DOCK4: variants seen among roughly 807,000 people sequenced by gnomAD.
DOCK4 encodes the protein dedicator of cytokinesis protein 4.
Under a neutral mutation model 268.1 loss-of-function variants are expected in DOCK4, and 97 were observed. The ratio of observed to expected loss-of-function variants is 0.36; its 90% CI spans 0.31 to 0.43. The LOEUF (loss-of-function observed/expected upper bound fraction) is 0.43. Ranked by LOEUF, DOCK4 falls within the 20% of genes least tolerant of loss-of-function variation. The probability of loss-of-function intolerance (pLI) is 1.00; values close to 1 mark genes in which losing one functional copy is unlikely to be tolerated. For missense variants in DOCK4, 2,145 were observed against 2,455.7 expected, an observed-to-expected ratio of 0.87 and a Z score of 2.67; for synonymous variants, 954 against 887.2, an observed-to-expected ratio of 1.08 and a Z score of -1.34.
intron 1 of DOCK4, among the ~76,000 whole-genome samples, chr7:112,112,134 A>G (rs563524011): frequency 6.5e-4 from 99 of 152,198 alleles, no homozygotes; most frequent in African/African-American, 2.1e-3. Flanking sequence ...GTGACCTCCA[A>G]TGTTGGAGGT....
At chr7:111,925,140 T>C (rs1793494956) in intron 12 of DOCK4, among the ~76,000 whole-genome samples, 1 of 152,214 alleles carries the variant, frequency 6.6e-6, no homozygotes, top group African/African-American at 2.4e-5. Context: ...CCTTCCTATG[T>C]GCTTGATTTA....
intron 10 of DOCK4, among the ~76,000 whole-genome samples, chr7:111,941,516 T>C (rs1259621287): frequency 6.6e-6 from 1 of 152,206 alleles, no homozygotes; most frequent in South Asian, 2.1e-4. Flanking sequence ...TGGCAGTCTT[T>C]ATCAATATCG....
intron 17 of DOCK4, among the ~76,000 whole-genome samples, chr7:111,873,122 A>G (rs1806559403): frequency 1.3e-5 from 2 of 152,148 alleles, no homozygotes; most frequent in South Asian, 4.1e-4. Context: ...GATTTCTTAG[A>G]TCATCCAGGG....
intron 26 of DOCK4, among the ~76,000 whole-genome samples, chr7:111,833,036 T>C (rs1802963503): frequency 1.3e-5 from 2 of 152,240 alleles, no homozygotes; most frequent in South Asian, 4.1e-4. Flanking sequence ...CCAGGCTCCA[T>C]AAAAATATGT....
intron 17 of DOCK4, among the ~76,000 whole-genome samples, chr7:111,874,733 C>T (rs766555693): frequency 2.6e-5 from 4 of 152,152 alleles, no homozygotes; most frequent in Non-Finnish European, 5.9e-5. Flanking sequence ...AGGAGGATGC[C>T]ATGACCCCTA....
intron 8 of DOCK4, among the ~76,000 whole-genome samples, chr7:111,959,447 T>C (rs1796693571): frequency 6.6e-6 from 1 of 152,208 alleles, no homozygotes; most frequent in Non-Finnish European, 1.5e-5. Flanking sequence ...TCCTAATTTA[T>C]ATAACAATAT....
intron 8 of DOCK4, among the ~76,000 whole-genome samples, chr7:111,959,574 T>C (rs551342308): frequency 6.6e-6 from 1 of 152,362 alleles, no homozygotes; most frequent in African/African-American, 2.4e-5. Context: ...TGTTATGCAC[T>C]AGCATACATA....
Position 111,739,227 on chromosome 7 carries a change from A to G in DOCK4, c.5139T>C (p.Ser1713=). 1 of 1,613,958 alleles carries G rather than the reference A, an allele frequency of 6.2e-7. No individual in the cohort carries two copies. The highest frequency in any genetic ancestry group is 8.5e-7 in the Non-Finnish European group (1 of 1,179,834). ...TTTCTCGGGAATGTTTGTGTTTGTC[A>G]GACAACAAAGGAGAAGCTGGGAAGA... ...PSSARASPLL[S]DKHKHSRENS... is the part of the protein sequence containing the mutation. Residue 1713 remains serine, a synonymous_variant, in exon 49 of 53, where the codon TCT becomes TCC. Transcript: ENST00000428084.
chr7:111,778,748 C>G (rs1798608780), intron 35 of DOCK4, among the ~76,000 whole-genome samples: 1 of 152,114 alleles, frequency 6.6e-6, no homozygotes, highest in South Asian at 2.1e-4. Context: ...AATTTCAAAG[C>G]TATTTTGCTC....
intron 1 of DOCK4, among the ~76,000 whole-genome samples, chr7:112,148,938 T>C (rs1338202198): frequency 6.6e-6 from 1 of 152,184 alleles, no homozygotes; most frequent in African/African-American, 2.4e-5. Context: ...AATGCGCCAA[T>C]AGCCCTGAAA....
intron 1 of DOCK4, among the ~76,000 whole-genome samples, chr7:112,163,331 T>C (rs1192774591): frequency 6.6e-6 from 1 of 151,586 alleles, no homozygotes; most frequent in Non-Finnish European, 1.5e-5. Context: ...CTCTCATCAA[T>C]GCCCTGGCCA....
intron 35 of DOCK4, among the ~76,000 whole-genome samples, chr7:111,778,784 C>CG (rs1563491478): frequency 6.6e-6 from 1 of 152,060 alleles, no homozygotes; most frequent in Non-Finnish European, 1.5e-5. Context: ...CAGCTGGGCA[C>CG]GGTGGCTCAT....
chr7:111,930,235 T>TA (rs1207897795), intron 12 of DOCK4, among the ~76,000 whole-genome samples: 4 of 152,222 alleles, frequency 2.6e-5, no homozygotes, highest in Non-Finnish European at 5.9e-5. Context: ...TAAAACATCT[T>TA]AAAAAGTTAA....
In DOCK4 at chr7:111,739,253, G is replaced by C. The variant is rs1795723927; in HGVS notation, c.5123-10C>G. On this transcript the variant is annotated splice_polypyrimidine_tract_variant and intron_variant, in intron 48 of 52. Coordinates refer to ENST00000428084, the MANE Select transcript of DOCK4 (RefSeq NM_001363540.2). The stretch of plus-strand genomic sequence containing the variant: ...GACAACAAAGGAGAAGCTGGGAAGA[G>C]AAGGAGAGAGAGGATCATCAGCATG... 4.3e-6 allele frequency: 7 copies of C among 1,610,554 alleles called. No homozygotes were observed. Among genetic ancestry groups the C allele is most frequent in the Non-Finnish European group, 5.1e-6 (6 of 1,176,822 alleles).
intron 1 of DOCK4, among the ~76,000 whole-genome samples, chr7:112,050,303 C>T (rs1314601548): frequency 2.0e-5 from 3 of 152,078 alleles, no homozygotes; most frequent in Admixed American, 1.3e-4. Flanking sequence ...AAACGTTTCC[C>T]TGGACTATGG....
At chr7:111,957,324 G>A (rs535954767) in intron 8 of DOCK4, among the ~76,000 whole-genome samples, 2 of 152,242 alleles carry the variant, frequency 1.3e-5, no homozygotes, top group South Asian at 4.1e-4. Flanking sequence ...AATAAAAATT[G>A]CATATTGGGC....
At position 111,925,684 on chromosome 7, in the gene DOCK4, T is replaced by C. The variant is rs562687853; in HGVS notation, c.1067-9780A>G. 6.6e-5 allele frequency among the ~76,000 whole-genome samples: 10 copies of C among 152,324 alleles called. 2 individuals carry two copies. The highest frequency in any genetic ancestry group is 2.4e-4 in the African/African-American group (10 of 41,582). On this transcript the variant is annotated intron_variant, in intron 12 of 52. Coordinates refer to ENST00000428084, the MANE Select transcript of DOCK4 (RefSeq NM_001363540.2). ...CCCAAATTACAGCTGTCCTTTAACATTGTCATCTTGCAGAGCTAGATACTT... is the reference window on the plus strand; with the variant it reads ...CCCAAATTACAGCTGTCCTTTAACACTGTCATCTTGCAGAGCTAGATACTT...
intron 13 of DOCK4, among the ~76,000 whole-genome samples, chr7:111,905,033 T>C (rs1410985895): frequency 6.6e-6 from 1 of 152,216 alleles, no homozygotes; most frequent in Non-Finnish European, 1.5e-5. Flanking sequence ...AGAAGAACAC[T>C]TCTCCTGGAC....
chr7:112,029,587 C>T (rs1803103514), intron 1 of DOCK4, among the ~76,000 whole-genome samples: 2 of 152,174 alleles, frequency 1.3e-5, no homozygotes, highest in Non-Finnish European at 2.9e-5. Context: ...AACCTCCATG[C>T]TAATTTAAAG....
Sources: gnomAD v4.1 joint callset for allele counts (sites outside exome capture counted in the v4.1 genomes callset) on GRCh38, gnomAD v4.1.1 for gene constraint, MANE v1.5 for transcripts, NCBI Gene and HGNC (gene_info 2026-07-23, HGNC 2026-07-21) for gene names.